The following PDZD2 variants were observed in gnomAD, a reference collection of about 807,000 sequenced individuals.
PDZD2 encodes PDZ domain-containing protein 2.
In PDZD2, 90 loss-of-function variants were observed where a neutral mutation model predicts 220.7. The observed-to-expected ratio is 0.41, with a 90% CI of 0.34 to 0.49. PDZD2 has a LOEUF of 0.49. Among genes scored for constraint, PDZD2 ranks in the 20% least tolerant of loss-of-function variants. The probability of loss-of-function intolerance (pLI) is 0.28; values close to 1 mark genes in which losing one functional copy is unlikely to be tolerated. For synonymous variants in PDZD2, 1,375 were observed against 1,450.5 expected, an observed-to-expected ratio of 0.95 and a Z score of 1.18; for missense variants, 3,174 against 3,608.5, an observed-to-expected ratio of 0.88 and a Z score of 3.08.
At chr5:31,689,239 T>TTGTGTGTGTGTGTGTGTGTGTGTGTGTG (rs70955736) in intron 1 of PDZD2, among the ~76,000 whole-genome samples, 1 of 140,010 alleles carries the variant, frequency 7.1e-6, no homozygotes, top group African/African-American at 2.7e-5. Flanking sequence ...TGGCTAATGT[T>TTGTGTGTGTGTGTGTGTGTGTGTGTGTG]TGTGTGTGTG....
chr5:31,872,536 A>AAT (rs10660409), intron 2 of PDZD2, among the ~76,000 whole-genome samples: 50,457 of 151,816 alleles, frequency 0.33, 9,737 homozygotes, highest in South Asian at 0.53. Flanking sequence ...AAACAAACAC[A>AAT]ATATATGTTT....
intron 2 of PDZD2, among the ~76,000 whole-genome samples, chr5:31,956,336 GT>G (rs71598912): frequency 0.44 from 58,007 of 133,254 alleles, 12,048 homozygotes; most frequent in East Asian, 0.65. Context: ...GAAACTAAGA[GT>G]TTTTTTTTTT....
intron 2 of PDZD2, among the ~76,000 whole-genome samples, chr5:31,854,071 G>A (rs1758219370): frequency 6.6e-6 from 1 of 152,262 alleles, no homozygotes; most frequent in African/African-American, 2.4e-5. Context: ...AGAGAATACA[G>A]CTGAAGTTTT....
At chr5:31,789,133 G>A (rs1753552720) in intron 1 of PDZD2, among the ~76,000 whole-genome samples, 1 of 152,130 alleles carries the variant, frequency 6.6e-6, no homozygotes, top group Non-Finnish European at 1.5e-5. Context: ...TCTGGGGCTG[G>A]TATAGCTGCT....
At chr5:31,900,979 ATTT>A (rs1742043974) in intron 2 of PDZD2, among the ~76,000 whole-genome samples, 1 of 152,130 alleles carries the variant, frequency 6.6e-6, no homozygotes, top group African/African-American at 2.4e-5. Context: ...AAATAACTTA[ATTT>A]TTCTGGTTTT....
chr5:31,995,862 C>T (rs1751585579), intron 4 of PDZD2, 144 bp downstream of exon 4: 4 of 762,948 alleles, frequency 5.2e-6, no homozygotes, highest in Non-Finnish European at 8.4e-6. Flanking sequence ...CAGGAGGAAA[C>T]CAGGCAAGAG....
At chr5:32,010,209 A>G in intron 5 of PDZD2, 121 bp from the exon 6 acceptor site, 1 of 668,438 alleles carries the variant, frequency 1.5e-6, no homozygotes, top group Non-Finnish European at 2.6e-6. Context: ...CAGACACAGA[A>G]CATTTACTCC....
At chr5:31,997,300 A>G (rs1751710870) in intron 4 of PDZD2, among the ~76,000 whole-genome samples, 1 of 152,216 alleles carries the variant, frequency 6.6e-6, no homozygotes, top group Non-Finnish European at 1.5e-5. Context: ...GTACAGTTGA[A>G]GGAGCTGGAG....
At chr5:31,772,951 G>C (rs905316952) in intron 1 of PDZD2, among the ~76,000 whole-genome samples, 2 of 152,108 alleles carry the variant, frequency 1.3e-5, no homozygotes, top group African/African-American at 4.8e-5. Flanking sequence ...AAGGTTCCAT[G>C]GAGTGTCAGA....
intron 6 of PDZD2, among the ~76,000 whole-genome samples, chr5:32,025,264 A>G (rs1035220982): frequency 6.6e-6 from 1 of 152,116 alleles, no homozygotes; most frequent in African/African-American, 2.4e-5. Context: ...GGTGGCTCAC[A>G]TCTGTAATCC....
At chr5:31,823,153 GCAA>G (rs1755991986) in intron 2 of PDZD2, 22 of 74,046 alleles carry the variant, frequency 3.0e-4, no homozygotes, top group South Asian at 1.2e-3. Flanking sequence ...AGTAGACGTG[GCAA>G]AAAAAAAAAA....
chr5:31,806,931 G>GTTT (rs397882682), intron 2 of PDZD2, among the ~76,000 whole-genome samples: 2,030 of 127,476 alleles, frequency 0.016, 61 homozygotes, highest in African/African-American at 0.055. Flanking sequence ...GGGCGTCTTT[G>GTTT]TTTTTTTTTT....
In PDZD2 at chr5:32,088,540, G is replaced by T; in HGVS notation, c.5092G>T (p.Glu1698Ter). ...GCCCTCGTGTGCAGAAGAAACCACA[G>T]AAGTCACCAGCGCTAGCTCAGCCAT... The part of the protein sequence containing the change: ...HRPSCAEETT[E>*]VTSASSAMEN... The change falls in exon 20 of 25, where the codon GAA (glutamate) becomes TAA (stop). Residue 1698 changes from glutamate to a stop codon, truncating the protein, a stop_gained. Transcript: ENST00000438447. LOFTEE classifies it high-confidence loss of function. This position sits in a 1 kb window ranked among gnomAD's most constrained non-coding sequence, Gnocchi z 4.6. The T allele has an allele frequency of 6.2e-7, 1 of 1,614,124 alleles. No homozygotes were observed. The highest frequency in any genetic ancestry group is 8.5e-7 in the Non-Finnish European group (1 of 1,179,988).
At chr5:31,898,963 G>A (rs1741836612) in intron 2 of PDZD2, among the ~76,000 whole-genome samples, 1 of 151,674 alleles carries the variant, frequency 6.6e-6, no homozygotes, top group Non-Finnish European at 1.5e-5. Context: ...GAGTAGCTGG[G>A]ACTATAGGCG....
chr5:31,936,298 G>A, intron 2 of PDZD2: 1 of 987,582 alleles, frequency 1.0e-6, no homozygotes, highest in Non-Finnish European at 1.2e-6. Context: ...CATTCCAGAG[G>A]CTGCTGAAGC....
intron 2 of PDZD2, among the ~76,000 whole-genome samples, chr5:31,963,875 C>T (rs981199987): frequency 6.6e-6 from 1 of 152,168 alleles, no homozygotes; most frequent in Non-Finnish European, 1.5e-5. Flanking sequence ...CATGCCCACA[C>T]ACACCCCCAT....
chr5:32,049,282 G>A (rs761054832), intron 8 of PDZD2, among the ~76,000 whole-genome samples: 1 of 152,164 alleles, frequency 6.6e-6, no homozygotes, highest in Non-Finnish European at 1.5e-5. Context: ...GGTAGAAACC[G>A]GTCAGGTGGT....
chr5:32,100,774 T>A, intron 23 of PDZD2: 1 of 691,454 alleles, frequency 1.4e-6, no homozygotes, highest in Non-Finnish European at 2.3e-6. Context: ...CACTGAGAAG[T>A]GCACAGCCGG....
At chr5:31,699,781 GTTTTTTT>G (rs11370810) in intron 1 of PDZD2, among the ~76,000 whole-genome samples, 5 of 142,134 alleles carry the variant, frequency 3.5e-5, no homozygotes, top group Non-Finnish European at 7.7e-5. Context: ...TTTTTTGTTT[GTTTTTTT>G]TTTGTTTTTT....
Sources: gnomAD v4.1 joint callset for allele counts (sites outside exome capture counted in the v4.1 genomes callset) on GRCh38, gnomAD v4.1.1 for gene constraint, Gnocchi (gnomAD v3.1) non-coding constraint, MANE v1.5 for transcripts, NCBI Gene and HGNC (gene_info 2026-07-23, HGNC 2026-07-21) for gene names.